TMEM68: variants seen among roughly 807,000 people sequenced by gnomAD.
TMEM68 encodes DGAT1/2-independent enzyme synthesizing storage lipids.
A neutral mutation model predicts 36.9 loss-of-function variants in TMEM68; 25 were observed. That is an observed-to-expected ratio of 0.68 (90% CI 0.49 to 0.95). The LOEUF (loss-of-function observed/expected upper bound fraction) is 0.95, where lower values mean the gene tolerates loss of function less well. TMEM68 is among the 40% of genes least tolerant of loss of function. The pLI is 0.00. For synonymous variants in TMEM68, 131 were observed against 124.4 expected, an observed-to-expected ratio of 1.05 and a Z score of -0.35; for missense variants, 333 against 392.0, an observed-to-expected ratio of 0.85 and a Z score of 1.27.
At chr8:55,768,850 G>A (rs1416543551) in intron 1 of TMEM68, among the ~76,000 whole-genome samples, 16 of 148,010 alleles carry the variant, frequency 1.1e-4, no homozygotes, top group Admixed American at 8.1e-4. Flanking sequence ...TGCTCAAAAA[G>A]AAAAAAAAAT....
intron 3 of TMEM68, among the ~76,000 whole-genome samples, chr8:55,756,933 CAG>C (rs1007207809): frequency 6.6e-6 from 1 of 151,732 alleles, no homozygotes; most frequent in African/African-American, 2.4e-5. Context: ...GGGCACTGTA[CAG>C]AGTGGTGGCC....
intron 1 of TMEM68, among the ~76,000 whole-genome samples, chr8:55,767,630 C>T (rs116476208): frequency 0.019 from 2,845 of 151,998 alleles, 108 homozygotes; most frequent in African/African-American, 0.066. Context: ...CTCCAGGGAA[C>T]GAATATAGAG....
chr8:55,744,663 A>G (rs1304900887), intron 6 of TMEM68, among the ~76,000 whole-genome samples: 1 of 152,190 alleles, frequency 6.6e-6, no homozygotes, highest in Non-Finnish European at 1.5e-5. Context: ...AGCAAATGCT[A>G]TTTCCTTAGG....
intron 7 of TMEM68, among the ~76,000 whole-genome samples, chr8:55,742,435 CAT>C (rs1192275320): frequency 2.6e-5 from 4 of 151,942 alleles, no homozygotes; most frequent in Non-Finnish European, 5.9e-5. Flanking sequence ...ATGTGTTTAC[CAT>C]ATGTTTTACC....
chr8:55,743,702 G>T, intron 6 of TMEM68, 82 bp from the exon 7 acceptor site: 1 of 1,304,474 alleles, frequency 7.7e-7, no homozygotes, highest in South Asian at 1.7e-5. Context: ...AATTATGTAG[G>T]ACTTACAGGA....
chr8:55,765,636 C>T (rs1810941208), intron 1 of TMEM68, among the ~76,000 whole-genome samples: 1 of 152,112 alleles, frequency 6.6e-6, no homozygotes, highest in Non-Finnish European at 1.5e-5. Context: ...AAATATGCTA[C>T]TATTTTCTAC....
chr8:55,764,930 G>C (rs938959637), intron 1 of TMEM68, among the ~76,000 whole-genome samples: 1 of 152,072 alleles, frequency 6.6e-6, no homozygotes, highest in African/African-American at 2.4e-5. Flanking sequence ...AAATTAGCTG[G>C]GAGTGGTGGT....
At chr8:55,748,238 T>A (rs192315437) in intron 5 of TMEM68, 1 of 152,246 alleles carries the variant, frequency 6.6e-6, no homozygotes, top group Admixed American at 6.5e-5. Context: ...TGATCTAGGC[T>A]CACTGTAACC....
At chr8:55,772,482 C>A (rs1317302512) in intron 1 of TMEM68, among the ~76,000 whole-genome samples, 1 of 152,124 alleles carries the variant, frequency 6.6e-6, no homozygotes. Context: ...CCTATTTATG[C>A]CCACATGAAC....
intron 1 of TMEM68, among the ~76,000 whole-genome samples, chr8:55,765,013 A>T (rs139246572): frequency 3.4e-3 from 512 of 152,330 alleles, no homozygotes; most frequent in Non-Finnish European, 5.9e-3. Context: ...CGGAGGTTGC[A>T]GCGAGCCGAG....
intron 1 of TMEM68, among the ~76,000 whole-genome samples, chr8:55,764,656 G>C (rs13273467): frequency 6.6e-6 from 1 of 152,208 alleles, no homozygotes; most frequent in Non-Finnish European, 1.5e-5. Flanking sequence ...TAACTTCCTT[G>C]TAACCAATAG....
chr8:55,751,152 TA>T lies in TMEM68; in HGVS notation c.498del (p.Phe166LeufsTer22). On this transcript the variant is annotated frameshift_variant, in exon 5 of 8. Coordinates refer to ENST00000434581, the MANE Select transcript of TMEM68 (RefSeq NM_001286657.2). LOFTEE classifies it high-confidence loss of function. Reference protein sequence around the residue: ...ADHFVFKIPGFSLLLDVFCAL... With the variant: ...ADHFVFKIPGXSLLLDVFCAL... Reference sequence around the variant, plus strand: ...GCACAAAACACATCCAGTAATAAACTAAACCCTGTAAGAAACATGAGTATGA... The same window carrying T: ...GCACAAAACACATCCAGTAATAAACTAACCCTGTAAGAAACATGAGTATGA... 2 of 1,592,798 alleles carry T rather than the reference TA, an allele frequency of 1.3e-6. No individual in the cohort carries two copies. Among genetic ancestry groups the T allele is most frequent in the Non-Finnish European group, 1.7e-6 (2 of 1,173,062 alleles).
chr8:55,764,663 A>G lies in TMEM68; in HGVS notation c.-114-683T>C, dbSNP rs186812508. Among the ~76,000 whole-genome samples, 6 of 152,320 alleles carry G rather than the reference A, an allele frequency of 3.9e-5. No individual in the cohort carries two copies. The East Asian group carries it at 1.2e-3, about 29-fold the overall frequency. Reference sequence around the variant, plus strand: ...ATTTCATCTAACTTCCTTGTAACCAATAGCATTTACTTGTGAGAAATCTGG... The same window carrying G: ...ATTTCATCTAACTTCCTTGTAACCAGTAGCATTTACTTGTGAGAAATCTGG... On this transcript the variant is annotated intron_variant, in intron 1 of 7. Transcript: ENST00000434581.
intron 1 of TMEM68, among the ~76,000 whole-genome samples, chr8:55,771,582 A>C (rs1214660323): frequency 1.3e-5 from 2 of 152,142 alleles, no homozygotes; most frequent in Non-Finnish European, 2.9e-5. Flanking sequence ...GCGCCACTAC[A>C]CTACAGCCTG....
intron 1 of TMEM68, among the ~76,000 whole-genome samples, chr8:55,769,345 A>G (rs1458019025): frequency 2.0e-5 from 3 of 147,788 alleles, no homozygotes; most frequent in African/African-American, 7.4e-5. Context: ...AAAAAAAGAT[A>G]GGAGAAAATA....
intron 5 of TMEM68, 103 bp downstream of exon 5, chr8:55,750,861 G>C: frequency 8.7e-7 from 1 of 1,143,102 alleles, no homozygotes. Flanking sequence ...TTAAGGTATT[G>C]CAGCGAAAGT....
At chr8:55,757,836 G>A (rs1027389099) in intron 3 of TMEM68, among the ~76,000 whole-genome samples, 3 of 152,212 alleles carry the variant, frequency 2.0e-5, no homozygotes, top group South Asian at 2.1e-4. Flanking sequence ...CGGGGGCAGT[G>A]GCAGCAAATT....
chr8:55,742,823 T>TTTA (rs147482990), intron 7 of TMEM68, among the ~76,000 whole-genome samples: 7,761 of 151,290 alleles, frequency 0.051, 218 homozygotes, highest in East Asian at 0.083. Context: ...TTTTTTGTAG[T>TTTA]TTTATACTCT....
chr8:55,755,937 A>G (rs1334555929), intron 4 of TMEM68, among the ~76,000 whole-genome samples: 2 of 151,842 alleles, frequency 1.3e-5, no homozygotes, highest in Non-Finnish European at 2.9e-5. Context: ...AGGAAAATTT[A>G]AAATTATTTT....
Sources: gnomAD v4.1 joint callset for allele counts (sites outside exome capture counted in the v4.1 genomes callset) on GRCh38, gnomAD v4.1.1 for gene constraint, MANE v1.5 for transcripts, NCBI Gene and HGNC (gene_info 2026-07-23, HGNC 2026-07-21) for gene names.